Variants in GSE1 observed in about 807,000 individuals in gnomAD.
The protein encoded by GSE1 is Gse1 coiled-coil protein.
Under a neutral mutation model 112.6 loss-of-function variants are expected in GSE1, and 32 were observed. That is an observed-to-expected ratio of 0.28 (90% confidence interval 0.21 to 0.38). GSE1 has a LOEUF of 0.38. Ranked by LOEUF, GSE1 falls within the 10% of genes least tolerant of loss-of-function variation. The probability of loss-of-function intolerance (pLI) is 1.00; values close to 1 mark genes in which losing one functional copy is unlikely to be tolerated. For synonymous variants in GSE1, 1,115 were observed against 735.6 expected (o/e 1.52, Z -8.35); for missense variants, 2,348 against 1,699.2 (o/e 1.38, Z -6.71).
chr16:85,302,382 C>T (rs915791523), intron 1 of GSE1, among the ~76,000 whole-genome samples: 17 of 151,908 alleles, frequency 1.1e-4, no homozygotes, highest in Admixed American at 6.6e-4. Flanking sequence ...AGCAAGGACC[C>T]TAATGAATCT....
intron 8 of GSE1, among the ~76,000 whole-genome samples, chr16:85,657,884 G>C (rs1219345639): frequency 6.6e-6 from 1 of 152,210 alleles, no homozygotes. Context: ...GCCTGACCTA[G>C]TTCCCAGGAG....
At chr16:85,623,284 A>G (rs1350459348) in intron 1 of GSE1, among the ~76,000 whole-genome samples, 1 of 150,100 alleles carries the variant, frequency 6.7e-6, no homozygotes, top group Non-Finnish European at 1.5e-5. Flanking sequence ...GCGCAATCAC[A>G]ACTCAAGGCA....
At chr16:85,375,685 C>G (rs910492350) in intron 2 of GSE1, among the ~76,000 whole-genome samples, 13 of 152,066 alleles carry the variant, frequency 8.5e-5, no homozygotes, top group African/African-American at 3.1e-4. Flanking sequence ...AGGCAGCACC[C>G]AGAGCGCCAT....
intron 2 of GSE1, among the ~76,000 whole-genome samples, chr16:85,513,776 G>GC (rs1348431503): frequency 6.6e-6 from 1 of 152,100 alleles, no homozygotes; most frequent in Non-Finnish European, 1.5e-5. Flanking sequence ...TGCTCTTGGA[G>GC]CCCCCCACCC....
rs1177675106 is a variant in GSE1 at position 85,460,168 on chromosome 16, G to A, written c.2464+102525G>A. On this transcript the variant is annotated intron_variant, in intron 2 of 2. Transcript: ENST00000637419. ...CACTCCCCTACAGACACTCCAGCCT[G>A]AAACACCAAGTGTGTTCAAGGTCAA... Among the ~76,000 whole-genome samples, 3 of 152,338 alleles carry A rather than the reference G, an allele frequency of 2.0e-5. No homozygotes were observed. The East Asian group carries it at 5.8e-4, about 29-fold the overall frequency.
At chr16:85,475,381 C>T (rs2050420822) in intron 2 of GSE1, among the ~76,000 whole-genome samples, 1 of 152,230 alleles carries the variant, frequency 6.6e-6, no homozygotes, top group Non-Finnish European at 1.5e-5. Flanking sequence ...AGCCCAAAGG[C>T]TAGGGCGGGA....
intron 2 of GSE1, among the ~76,000 whole-genome samples, chr16:85,440,627 A>G (rs1230258201): frequency 6.6e-6 from 1 of 152,214 alleles, no homozygotes; most frequent in East Asian, 1.9e-4. Context: ...GTCAGTGGTC[A>G]CTGGTCAGCT....
In GSE1 at chr16:85,223,485, C is replaced by T. The variant is rs915673651; in HGVS notation, c.2283+51678C>T. Among the ~76,000 whole-genome samples the T allele has an allele frequency of 6.6e-5, 10 of 151,150 alleles. No homozygotes were observed. The South Asian group carries it at 8.4e-4, about 13-fold the overall frequency. ...CTGCAGTGAGCCAAGATCGTGCCACCGCACTCCAGCCTGGGCAACAGAGCA... is the reference window on the plus strand; with the variant it reads ...CTGCAGTGAGCCAAGATCGTGCCACTGCACTCCAGCCTGGGCAACAGAGCA... On this transcript the variant is annotated intron_variant, in intron 1 of 2. Coordinates refer to the GSE1 transcript ENST00000637419.
chr16:85,579,330 T>C (rs1427388636), intron 1 of GSE1, among the ~76,000 whole-genome samples: 1 of 152,236 alleles, frequency 6.6e-6, no homozygotes, highest in African/African-American at 2.4e-5. Context: ...TTTGAAATTC[T>C]GGCTGGGGCC....
intron 2 of GSE1, among the ~76,000 whole-genome samples, chr16:85,406,988 T>C (rs200474571): frequency 3.1e-3 from 7 of 2,252 alleles, no homozygotes; most frequent in East Asian, 9.6e-3. Flanking sequence ...TAATCCTCAC[T>C]GTTGCACTCA....
intron 1 of GSE1, among the ~76,000 whole-genome samples, chr16:85,174,117 T>G (rs2074413764): frequency 6.6e-6 from 1 of 152,016 alleles, no homozygotes; most frequent in Non-Finnish European, 1.5e-5. Context: ...TAGAATTTGT[T>G]GGAATGAGGC....
intron 1 of GSE1, among the ~76,000 whole-genome samples, chr16:85,254,486 C>T (rs780524226): frequency 5.3e-5 from 8 of 152,218 alleles, no homozygotes; most frequent in East Asian, 1.9e-4. Context: ...CCCCCCCACT[C>T]GGAGAGGTCC....
rs534263600 is a variant in GSE1 at position 85,400,308 on chromosome 16, T to C, written c.2464+42665T>C. On this transcript the variant is annotated intron_variant, in intron 2 of 2. Coordinates refer to the GSE1 transcript ENST00000637419. ...AATTGTGTGTGTGTGTTTCTGTGTA[T>C]GATTTTGTGTGTGTGATTATATGTC... Among the ~76,000 whole-genome samples, 5 of 151,846 alleles carry C rather than the reference T, an allele frequency of 3.3e-5. No individual in the cohort carries two copies. In the South Asian group the frequency reaches 8.3e-4, roughly 25 times the overall value.
chr16:85,638,991 G>T (rs1171809808), intron 2 of GSE1, among the ~76,000 whole-genome samples: 1 of 152,256 alleles, frequency 6.6e-6, no homozygotes, highest in East Asian at 1.9e-4. Flanking sequence ...GGCTTGGAGT[G>T]CCCGGGCCCC....
rs2053475728 is a variant in GSE1 at position 85,673,136 on chromosome 16, GCT to G, written c.*600_*601del. ...AACCCAAAGGCTTTTCCCTGGAAAAGCTCTTTCTTACCTAAAGATAAAACCAA... is the reference window on the plus strand; with the variant it reads ...AACCCAAAGGCTTTTCCCTGGAAAAGCTTTCTTACCTAAAGATAAAACCAA... On this transcript the variant is annotated 3_prime_UTR_variant, in exon 16 of 16. Transcript: ENST00000253458. 1 of 152,400 alleles carries G rather than the reference GCT, an allele frequency of 6.6e-6. No homozygotes were observed. The highest frequency in any genetic ancestry group is 6.5e-5 in the Admixed American group (1 of 15,280). 9.4% of individuals were successfully genotyped at this position (152,400 alleles called of 1,614,324 possible).
At chr16:85,443,506 C>G (rs564114047) in intron 2 of GSE1, among the ~76,000 whole-genome samples, 13 of 152,192 alleles carry the variant, frequency 8.5e-5, no homozygotes, top group African/African-American at 3.1e-4. Flanking sequence ...TCCACCTGGC[C>G]CATGGTAATG....
At chr16:85,171,211 T>C (rs1303708951) in exon 1 of GSE1, 10 of 985,532 alleles carry the variant, frequency 1.0e-5, no homozygotes, top group Non-Finnish European at 4.8e-6. Flanking sequence ...CGTGCAGGGC[T>C]TCCTGGGCAG....
intron 1 of GSE1, among the ~76,000 whole-genome samples, chr16:85,313,453 C>T (rs983736123): frequency 6.6e-6 from 1 of 152,182 alleles, no homozygotes; most frequent in African/African-American, 2.4e-5. Context: ...TCGGCCTCCT[C>T]TCTTGCAGAC....
chr16:85,588,376 C>T (rs989578345), intron 1 of GSE1, among the ~76,000 whole-genome samples: 9 of 152,172 alleles, frequency 5.9e-5, no homozygotes, highest in Non-Finnish European at 1.0e-4. Context: ...TTGGGGGGCC[C>T]GTGTCCCAGC....
Sources: allele counts gnomAD v4.1 joint callset (sites outside exome capture counted in the v4.1 genomes callset), GRCh38; gene constraint gnomAD v4.1.1; transcripts MANE v1.5; gene names NCBI Gene and HGNC (gene_info 2026-07-23, HGNC 2026-07-21).